Variants in TSPAN1 observed in about 807,000 individuals in gnomAD.
TSPAN1 encodes the protein tetraspanin 1.
Under a neutral mutation model 26.9 loss-of-function variants are expected in TSPAN1, and 23 were observed. The ratio of observed to expected loss-of-function variants is 0.85; its 90% CI spans 0.62 to 1.21. The LOEUF (loss-of-function observed/expected upper bound fraction) is 1.21, where lower values mean the gene tolerates loss of function less well. TSPAN1 is among the 50% of genes most tolerant of loss of function. The pLI is 0.00. For synonymous variants in TSPAN1, 115 were observed against 114.8 expected, an observed-to-expected ratio of 1.00 and a Z score of -0.01; for missense variants, 283 against 298.4, an observed-to-expected ratio of 0.95 and a Z score of 0.38.
chr1:46,193,129 T>G, the TSPAN1 span: 1 of 1,613,064 alleles, frequency 6.2e-7, no homozygotes, highest in Non-Finnish European at 8.5e-7. Flanking sequence ...CTTATGCCCA[T>G]GTTTCCCCCC....
chr1:46,184,884 G>T lies in TSPAN1; in HGVS notation c.438+1G>T. Reference sequence around the variant, plus strand: ...AGTGTGGAACACCACCATGAAAGGGGTAAGGTTGGCTGGGGGAGGTTTTAG... The same window carrying T: ...AGTGTGGAACACCACCATGAAAGGGTTAAGGTTGGCTGGGGGAGGTTTTAG... On this transcript the variant is annotated splice_donor_variant, in intron 6 of 8. Coordinates refer to ENST00000372003, the MANE Select transcript of TSPAN1 (RefSeq NM_005727.4). LOFTEE classifies it high-confidence loss of function. The T allele has an allele frequency of 6.2e-7, 1 of 1,614,214 alleles. No individual in the cohort carries two copies. The highest frequency in any genetic ancestry group is 8.5e-7 in the Non-Finnish European group (1 of 1,180,048).
chr1:46,192,377 C>A, the TSPAN1 span: 13 of 1,614,214 alleles, frequency 8.1e-6, no homozygotes, highest in Admixed American at 6.7e-5. Flanking sequence ...CCCAGCCCAG[C>A]CCAGGCATGG....
Position 46,181,050 on chromosome 1 carries a change from G to C in TSPAN1, c.-8-50G>C, listed in dbSNP as rs12134973. ...AATATCTGAAGCCAGGGCCAGCCCA[G>C]GTGGGCCCAGGGGAAACAAGGCCCT... On this transcript the variant is annotated intron_variant, in intron 2 of 8. Transcript: ENST00000372003. 1.9e-6 allele frequency: 3 copies of C among 1,570,258 alleles called. No homozygotes were observed. The African/African-American group carries it at 4.1e-5, about 21-fold the overall frequency.
At chr1:46,176,760 G>A (rs1443816022) in intron 1 of TSPAN1, among the ~76,000 whole-genome samples, 3 of 152,246 alleles carry the variant, frequency 2.0e-5, no homozygotes, top group African/African-American at 7.2e-5. Context: ...TATTAACAAT[G>A]TTTTTTGAGC....
At chr1:46,193,621 A>T in the TSPAN1 span, 2 of 1,614,214 alleles carry the variant, frequency 1.2e-6, no homozygotes, top group South Asian at 2.2e-5. Flanking sequence ...CCTGGGCTGA[A>T]AGCAGAGAGC....
At chr1:46,183,890 A>C in intron 3 of TSPAN1, 1 of 467,262 alleles carries the variant, frequency 2.1e-6, no homozygotes, top group Non-Finnish European at 3.9e-6. Context: ...AATCCTAGCT[A>C]TGTGGCAGGA....
At chr1:46,178,040 TG>T (rs1657223693) in intron 1 of TSPAN1, among the ~76,000 whole-genome samples, 1 of 152,216 alleles carries the variant, frequency 6.6e-6, no homozygotes, top group African/African-American at 2.4e-5. Context: ...GAATGTAATC[TG>T]GTCCCAATTC....
chr1:46,176,292 G>A (rs980322460), intron 1 of TSPAN1: 3 of 1,535,788 alleles, frequency 2.0e-6, no homozygotes, highest in Non-Finnish European at 2.6e-6. Flanking sequence ...CCATGGCCCT[G>A]GTGGCAGGAT....
chr1:46,194,416 C>T, the TSPAN1 span: 105 of 1,614,138 alleles, frequency 6.5e-5, no homozygotes, highest in East Asian at 1.8e-4. Flanking sequence ...GGGAAGGATG[C>T]GGTTGTCATG....
At chr1:46,194,294 T>C in the TSPAN1 span, 1 of 1,614,166 alleles carries the variant, frequency 6.2e-7, no homozygotes, top group Non-Finnish European at 8.5e-7. Context: ...CTGAACTCGA[T>C]GGGTGTGGGG....
the TSPAN1 span, chr1:46,196,044 C>A: frequency 6.2e-7 from 1 of 1,614,004 alleles, no homozygotes; most frequent in Non-Finnish European, 8.5e-7. The surrounding 1 kb of genome is among the most constrained non-coding windows in gnomAD (Gnocchi z 4.4). Flanking sequence ...ACATGGATGC[C>A]CCGGCCCTGC....
chr1:46,185,593 C>A lies in TSPAN1; in HGVS notation c.*60C>A. 1 of 1,575,746 alleles carries A rather than the reference C, an allele frequency of 6.3e-7. No homozygotes were observed. The highest frequency in any genetic ancestry group is 8.7e-7 in the Non-Finnish European group (1 of 1,147,048). Reference sequence around the variant, plus strand: ...TGGGAACTGTGAAGAGGCACCCTGGCAAGCAGCAGTGATTGGGGGAGGGGA... The same window carrying A: ...TGGGAACTGTGAAGAGGCACCCTGGAAAGCAGCAGTGATTGGGGGAGGGGA... On this transcript the variant is annotated 3_prime_UTR_variant, in exon 9 of 9. Coordinates refer to ENST00000372003, the MANE Select transcript of TSPAN1 (RefSeq NM_005727.4).
Position 46,180,515 on chromosome 1 carries a change from C to G in TSPAN1, c.-141-11C>G, listed in dbSNP as rs752312773. Reference sequence around the variant, plus strand: ...CAGAAGGAGGCTTTAAAGCGCCTACCCTGCCTGCAGGTGAGCAGTGGTGTG... The same window carrying G: ...CAGAAGGAGGCTTTAAAGCGCCTACGCTGCCTGCAGGTGAGCAGTGGTGTG... On this transcript the variant is annotated splice_polypyrimidine_tract_variant and intron_variant, in intron 1 of 8. Coordinates refer to ENST00000372003, the MANE Select transcript of TSPAN1 (RefSeq NM_005727.4). 3 of 152,436 alleles carry G rather than the reference C, an allele frequency of 2.0e-5. No homozygotes were observed. Among genetic ancestry groups the G allele is most frequent in the African/African-American group, 7.2e-5 (3 of 41,440 alleles). The allele number at this position is 152,436 out of a possible 1,614,324, so 9.4% of individuals were successfully genotyped here. A position where few individuals can be genotyped will look rare whatever the true frequency, so the allele number is the denominator to read the frequency against.
the TSPAN1 span, chr1:46,194,364 A>G: frequency 6.2e-7 from 1 of 1,614,166 alleles, no homozygotes; most frequent in Non-Finnish European, 8.5e-7. Flanking sequence ...GCCGGCGGCG[A>G]CGGTTCAGCT....
chr1:46,188,758 AG>A, downstream of TSPAN1: 1 of 1,612,554 alleles, frequency 6.2e-7, no homozygotes, highest in Non-Finnish European at 8.5e-7. Context: ...GAAGGCTGAG[AG>A]GAGGCCTGGT....
the TSPAN1 span, chr1:46,195,067 C>T: frequency 2.1e-6 from 2 of 970,862 alleles, no homozygotes; most frequent in Non-Finnish European, 3.4e-6. Flanking sequence ...TAGCTCATTA[C>T]ATTATTGCAA....
At position 46,184,190 on chromosome 1, in the gene TSPAN1, G is replaced by C. The variant is rs761499392; in HGVS notation, c.58-1G>C. The C allele has an allele frequency of 1.9e-6, 3 of 1,614,146 alleles. No homozygotes were observed. The South Asian group carries it at 3.3e-5, about 18-fold the overall frequency. Reference sequence around the variant, plus strand: ...GGCCTGCCTGACCTCTCTCTCCCCAGCTGTGTGGTGCAGCCCTGTTGGCAG... The same window carrying C: ...GGCCTGCCTGACCTCTCTCTCCCCACCTGTGTGGTGCAGCCCTGTTGGCAG... On this transcript the variant is annotated splice_acceptor_variant, in intron 3 of 8. Coordinates refer to ENST00000372003, the MANE Select transcript of TSPAN1 (RefSeq NM_005727.4). LOFTEE classifies it high-confidence loss of function.
the TSPAN1 span, chr1:46,193,339 G>A: frequency 6.2e-7 from 1 of 1,613,680 alleles, no homozygotes; most frequent in South Asian, 1.1e-5. Flanking sequence ...GCTGATGGGA[G>A]TATGCTGGAT....
At chr1:46,176,160 C>A in intron 1 of TSPAN1, 1 of 1,518,044 alleles carries the variant, frequency 6.6e-7, no homozygotes, top group East Asian at 2.5e-5. Flanking sequence ...CAGGCATGAG[C>A]CACCGCACCC....
Sources: gnomAD v4.1 joint callset for allele counts (sites outside exome capture counted in the v4.1 genomes callset) on GRCh38, gnomAD v4.1.1 for gene constraint, Gnocchi (gnomAD v3.1) non-coding constraint, MANE v1.5 for transcripts, NCBI Gene and HGNC (gene_info 2026-07-23, HGNC 2026-07-21) for gene names.